The following NSD2 variants were observed in gnomAD, a reference collection of about 807,000 sequenced individuals.
The protein encoded by NSD2 is nuclear receptor binding SET domain protein 2, also known as histone-lysine N-methyltransferase NSD2.
A neutral mutation model predicts 139.0 loss-of-function variants in NSD2; 12 were observed. The ratio of observed to expected loss-of-function variants is 0.09; its 90% CI spans 0.06 to 0.14. The LOEUF (loss-of-function observed/expected upper bound fraction) is 0.14. Ranked by LOEUF, NSD2 falls within the 10% of genes least tolerant of loss-of-function variation. NSD2 has a pLI of 1.00. For synonymous variants in NSD2, 669 were observed against 648.7 expected (o/e 1.03, Z -0.48); for missense variants, 1,155 against 1,745.0 (o/e 0.66, Z 6.02).
intron 3 of NSD2, among the ~76,000 whole-genome samples, chr4:1,910,021 A>C (rs1718454037): frequency 6.6e-6 from 1 of 152,152 alleles, no homozygotes; most frequent in South Asian, 2.1e-4. Context: ...AATATACTTA[A>C]ATTTTGAAAA....
chr4:1,970,722 G>T (rs751736225), intron 18 of NSD2, among the ~76,000 whole-genome samples: 3 of 152,198 alleles, frequency 2.0e-5, no homozygotes, highest in Non-Finnish European at 2.9e-5. Flanking sequence ...TCTAGGGGCG[G>T]TTGAGGGAGG....
Position 1,904,227 on chromosome 4 carries a change from G to T in NSD2, c.609G>T (p.Lys203Asn). The T allele has an allele frequency of 6.2e-7, 1 of 1,613,194 alleles. No individual in the cohort carries two copies. The highest frequency in any genetic ancestry group is 2.2e-5 in the East Asian group (1 of 44,866). The change falls in exon 3 of 22, where the codon AAG (lysine) becomes AAT (asparagine). Residue 203 changes from lysine to asparagine, a missense_variant. By Grantham distance (94) the Lys-to-Asn change is moderately conservative. Coordinates refer to ENST00000508803, the MANE Select transcript of NSD2 (RefSeq NM_001042424.3). ...TTGTTCATTTTCAGATTCCAGCTAA[G>T]AAAGAGTCTTGTCCAAACACTGGAA... The part of the protein sequence containing the change: ...SSPSDKKIPA[K>N]KESCPNTGRD...
rs117600071 is a variant in NSD2, at chr4:1,979,779, A to C, written c.*870A>C. ...TTTTATTCTCAATATATTTTTGCTA[A>C]ACCTATTTCACAAATCACCACCGAC... On this transcript the variant is annotated 3_prime_UTR_variant, in exon 22 of 22. Coordinates refer to ENST00000508803, the MANE Select transcript of NSD2 (RefSeq NM_001042424.3). 1.3e-3 allele frequency: 311 copies of C among 231,934 alleles called. 2 individuals carry two copies. Among genetic ancestry groups the C allele is most frequent in the East Asian group, 0.013 (209 of 16,420 alleles). The allele number at this position is 231,934 out of a possible 1,614,324, so 14.4% of individuals were successfully genotyped here.
chr4:1,951,868 T>A, intron 10 of NSD2: 3 of 547,020 alleles, frequency 5.5e-6, no homozygotes, highest in Non-Finnish European at 9.4e-6. Flanking sequence ...GTGATCCTGT[T>A]ACTTCCTTTG....
At chr4:1,914,982 G>A (rs960274320) in intron 3 of NSD2, among the ~76,000 whole-genome samples, 3 of 151,708 alleles carry the variant, frequency 2.0e-5, no homozygotes, top group African/African-American at 7.3e-5. Context: ...CTATTATTTG[G>A]GTATCAAACC....
intron 20 of NSD2, 34 bp downstream of exon 20, chr4:1,975,434 C>T (rs1407210528): frequency 1.3e-6 from 2 of 1,599,068 alleles, no homozygotes. Context: ...CCCCCAGGCT[C>T]TGTGTTGGCA....
chr4:1,872,659 G>A (rs1713959031), intron 1 of NSD2, among the ~76,000 whole-genome samples: 3 of 125,896 alleles, frequency 2.4e-5, no homozygotes, highest in Non-Finnish European at 5.2e-5. Context: ...GTGAAGACAA[G>A]ACTAATTGGA....
At chr4:1,933,650 TC>T (rs1721953816) in intron 6 of NSD2, among the ~76,000 whole-genome samples, 4 of 152,134 alleles carry the variant, frequency 2.6e-5, no homozygotes, top group African/African-American at 9.7e-5. Flanking sequence ...CACCTCGGCC[TC>T]CCAGAGTGCT....
chr4:1,929,006 C>G (rs892601426), intron 5 of NSD2, among the ~76,000 whole-genome samples: 4 of 152,036 alleles, frequency 2.6e-5, no homozygotes, highest in Non-Finnish European at 5.9e-5. Context: ...ACAGGGAACA[C>G]TGGTGGAGTG....
intron 1 of NSD2, among the ~76,000 whole-genome samples, chr4:1,898,661 A>G (rs1462005661): frequency 6.7e-6 from 1 of 149,400 alleles, no homozygotes; most frequent in Non-Finnish European, 1.5e-5. Flanking sequence ...CTCCGTCTAA[A>G]AAAAAAAAAA....
intron 9 of NSD2, chr4:1,944,202 T>A: frequency 9.4e-7 from 1 of 1,066,032 alleles, no homozygotes; most frequent in Non-Finnish European, 1.1e-6. Flanking sequence ...CCACTTCAGA[T>A]GCCAGGAGTG....
chr4:1,912,626 TA>T (rs953471294), intron 3 of NSD2, among the ~76,000 whole-genome samples: 9 of 150,972 alleles, frequency 6.0e-5, no homozygotes, highest in East Asian at 1.9e-4. Context: ...TTTTTCTCCT[TA>T]AAAAAAAATG....
intron 1 of NSD2, among the ~76,000 whole-genome samples, chr4:1,896,421 T>G (rs1716312194): frequency 6.6e-6 from 1 of 152,240 alleles, no homozygotes; most frequent in Non-Finnish European, 1.5e-5. Context: ...GAGTCTGGCG[T>G]GCAATAGTGT....
chr4:1,961,049 C>A lies in NSD2; in HGVS notation c.3270C>A (p.Asn1090Lys). 2 of 1,612,286 alleles carry A rather than the reference C, an allele frequency of 1.2e-6. No individual in the cohort carries two copies. Among genetic ancestry groups the A allele is most frequent in the Non-Finnish European group, 1.7e-6 (2 of 1,178,512 alleles). Residue 1090 changes from asparagine to lysine, a missense_variant, in exon 18 of 22, where the codon AAC becomes AAA. This residue lies in a region of NSD2 where 139 missense variants were observed against 485.8 expected (regional missense o/e 0.29). Transcript: ENST00000508803. ...GTGATTTCCAGGGAGAATTTGTTAA[C>A]GAGTACGTTGGGGAGCTGATCGACG... ...KRDIRKGEFV[N>K]EYVGELIDEE... is the part of the protein sequence containing the mutation.
chr4:1,896,681 C>T (rs75198787), intron 1 of NSD2, among the ~76,000 whole-genome samples: 2 of 151,672 alleles, frequency 1.3e-5, no homozygotes, highest in African/African-American at 4.9e-5. Context: ...TCCCTCCCTC[C>T]CTTCCTTCCC....
intron 1 of NSD2, among the ~76,000 whole-genome samples, chr4:1,880,978 T>G (rs909197706): frequency 5.3e-5 from 8 of 152,210 alleles, no homozygotes; most frequent in Admixed American, 2.0e-4. Flanking sequence ...TTGTTATGTT[T>G]AGTAATTCCT....
intron 1 of NSD2, among the ~76,000 whole-genome samples, chr4:1,897,074 G>A (rs986923638): frequency 2.6e-5 from 4 of 152,006 alleles, no homozygotes; most frequent in Middle Eastern, 3.2e-3. Context: ...GGAGGCTGAG[G>A]CAGGAAGATC....
At chr4:1,949,953 C>G (rs1490845355) in intron 9 of NSD2, among the ~76,000 whole-genome samples, 1 of 152,054 alleles carries the variant, frequency 6.6e-6, no homozygotes, top group Admixed American at 6.6e-5. Flanking sequence ...TAATATGGCC[C>G]AATTCCAATT....
chr4:1,903,949 T>C lies in NSD2; in HGVS notation c.598-267T>C, dbSNP rs370989032. Among the ~76,000 whole-genome samples, 3 of 152,170 alleles carry C rather than the reference T, an allele frequency of 2.0e-5. No homozygotes were observed. In the East Asian group the frequency reaches 5.8e-4, roughly 29 times the overall value. ...CAGGGTTTCATTGTGTTAGCCAGGATGGTCTTGATCTCCTGAACTCGTGAT... is the reference window on the plus strand; with the variant it reads ...CAGGGTTTCATTGTGTTAGCCAGGACGGTCTTGATCTCCTGAACTCGTGAT... On this transcript the variant is annotated intron_variant, in intron 2 of 21. Coordinates refer to ENST00000508803, the MANE Select transcript of NSD2 (RefSeq NM_001042424.3).
Sources: gnomAD v4.1 joint callset for allele counts (sites outside exome capture counted in the v4.1 genomes callset) on GRCh38, gnomAD v4.1.1 for gene constraint, gnomAD v4.1.1 regional missense constraint, MANE v1.5 for transcripts, NCBI Gene and HGNC (gene_info 2026-07-23, HGNC 2026-07-21) for gene names.